Variants in OR7C1 observed in about 807,000 individuals in gnomAD.
OR7C1 encodes olfactory receptor 7C1.
For missense variants in OR7C1, 324 were observed against 383.3 expected, an observed-to-expected ratio of 0.85 and a Z score of 1.29; for synonymous variants, 152 against 160.7, an observed-to-expected ratio of 0.95 and a Z score of 0.41.
chr19:14,818,062 T>TTTTTTTTATTTATTTA (rs1555695181), intron 1 of OR7C1, among the ~76,000 whole-genome samples: 1 of 139,460 alleles, frequency 7.2e-6, no homozygotes, highest in Non-Finnish European at 1.5e-5. Flanking sequence ...ATTTTATTTA[T>TTTTTTTTATTTATTTA]TTTATTTATT....
intron 1 of OR7C1, among the ~76,000 whole-genome samples, chr19:14,811,462 G>A (rs902091294): frequency 6.6e-6 from 1 of 151,790 alleles, no homozygotes; most frequent in African/African-American, 2.4e-5. Flanking sequence ...TGAATTTAAG[G>A]TCCACCTGGA....
At chr19:14,809,332 C>T (rs1020762523) in intron 2 of OR7C1, among the ~76,000 whole-genome samples, 1 of 151,932 alleles carries the variant, frequency 6.6e-6, no homozygotes, top group African/African-American at 2.4e-5. Context: ...GAGCCGAATC[C>T]TGAGGCTTGC....
intron 1 of OR7C1, among the ~76,000 whole-genome samples, chr19:14,822,704 G>A (rs55951528): frequency 0.27 from 41,086 of 151,614 alleles, 5,933 homozygotes; most frequent in East Asian, 0.55. Flanking sequence ...TATAATAGCC[G>A]TCCTAACAGG....
intron 1 of OR7C1, among the ~76,000 whole-genome samples, chr19:14,812,947 C>A (rs1288910479): frequency 6.6e-6 from 1 of 151,856 alleles, no homozygotes; most frequent in Non-Finnish European, 1.5e-5. Context: ...CGCCTGTAGT[C>A]CCAGCTACTT....
At chr19:14,799,107 A>G (rs994686937) in exon 5 of OR7C1, 2 of 1,513,954 alleles carry the variant, frequency 1.3e-6, no homozygotes, top group Non-Finnish European at 1.8e-6. Context: ...CTAAAAGAGA[A>G]TACATTGATG....
chr19:14,806,230 A>G (rs942155019), intron 2 of OR7C1, among the ~76,000 whole-genome samples: 9 of 151,922 alleles, frequency 5.9e-5, no homozygotes, highest in African/African-American at 2.2e-4. Flanking sequence ...AGCCTACATT[A>G]AGGAACATTT....
chr19:14,834,755 C>T (rs887324588), intron 1 of OR7C1, among the ~76,000 whole-genome samples: 1 of 152,180 alleles, frequency 6.6e-6, no homozygotes, highest in Non-Finnish European at 1.5e-5. Flanking sequence ...TTTCTCTACT[C>T]CCCTTAATTA....
intron 1 of OR7C1, among the ~76,000 whole-genome samples, chr19:14,829,985 C>T (rs2044815186): frequency 6.6e-6 from 1 of 152,196 alleles, no homozygotes; most frequent in Non-Finnish European, 1.5e-5. Flanking sequence ...GCCTCAGCCT[C>T]CCAAGTAGTT....
chr19:14,810,380 T>TGC lies in OR7C1; in HGVS notation c.-622-388_-622-387insGC, dbSNP rs1555694741. On this transcript the variant is annotated intron_variant, in intron 1 of 4. Transcript: ENST00000641666. ...ACATTCAACCAAAATGAGTTTTTTTTTTTTGTTTTTTGTTTTTGAGATGGA... is the reference window on the plus strand; with the variant it reads ...ACATTCAACCAAAATGAGTTTTTTTTGCTTTTGTTTTTTGTTTTTGAGATGGA... 6.0e-4 allele frequency among the ~76,000 whole-genome samples: 58 copies of TGC among 96,678 alleles called. 1 individual carries two copies. Among genetic ancestry groups the TGC allele is most frequent in the African/African-American group, 2.3e-3 (45 of 19,426 alleles). 63.4% of individuals were successfully genotyped at this position (96,678 alleles called of 152,430 possible).
chr19:14,829,843 A>G (rs553293661), intron 1 of OR7C1, among the ~76,000 whole-genome samples: 1 of 152,320 alleles, frequency 6.6e-6, no homozygotes, highest in South Asian at 2.1e-4. Context: ...CTCCAAAGAC[A>G]TGCAGCCACA....
intron 1 of OR7C1, among the ~76,000 whole-genome samples, chr19:14,811,372 C>T (rs1246776414): frequency 6.6e-6 from 1 of 151,860 alleles, no homozygotes; most frequent in Non-Finnish European, 1.5e-5. Flanking sequence ...TTTCAATCTC[C>T]TCTGTCTGTG....
intron 1 of OR7C1, among the ~76,000 whole-genome samples, chr19:14,815,235 A>T (rs2044710858): frequency 6.6e-6 from 1 of 152,186 alleles, no homozygotes. Flanking sequence ...TCGTCTACAG[A>T]GGCTGCTCAC....
chr19:14,816,540 C>G (rs1006163033), intron 1 of OR7C1, among the ~76,000 whole-genome samples: 1 of 152,170 alleles, frequency 6.6e-6, no homozygotes, highest in African/African-American at 2.4e-5. Context: ...AGCTTTTGGA[C>G]TCTTGGACTT....
chr19:14,819,557 A>C (rs1452091230), intron 1 of OR7C1, among the ~76,000 whole-genome samples: 1 of 152,106 alleles, frequency 6.6e-6, no homozygotes, highest in Non-Finnish European at 1.5e-5. Flanking sequence ...CATTTTCTTT[A>C]ACCAGTCTAT....
exon 5 of OR7C1, chr19:14,798,913 T>C: frequency 3.0e-6 from 1 of 330,410 alleles, no homozygotes; most frequent in African/African-American, 2.1e-5. Flanking sequence ...AGCTTCCAGC[T>C]TGCTTATCTA....
chr19:14,833,821 C>T (rs754687213), intron 1 of OR7C1, among the ~76,000 whole-genome samples: 7 of 132,366 alleles, frequency 5.3e-5, no homozygotes, highest in Non-Finnish European at 8.3e-5. Context: ...TCAGCCTGAG[C>T]GGGGATGGAG....
At position 14,821,740 on chromosome 19, in the gene OR7C1, C is replaced by T. The variant is rs76270474; in HGVS notation, c.-622-11747G>A. Among the ~76,000 whole-genome samples the T allele has an allele frequency of 1.2e-3, 182 of 152,314 alleles. 2 individuals are homozygous for T. The highest frequency in any genetic ancestry group is 4.3e-3 in the African/African-American group (177 of 41,570). On this transcript the variant is annotated intron_variant, in intron 1 of 4. Coordinates refer to ENST00000641666, the Ensembl canonical transcript of OR7C1. ...TTCTATGCTATTTAAATCTTACGTA[C>T]CATAGCACAACCCCTCAATCAGTCC...
At chr19:14,817,141 T>C (rs879788275) in intron 1 of OR7C1, among the ~76,000 whole-genome samples, 4 of 152,260 alleles carry the variant, frequency 2.6e-5, no homozygotes, top group Non-Finnish European at 4.4e-5. Flanking sequence ...ACCCCAAAAG[T>C]AGGCTAGCTA....
At chr19:14,805,556 A>G (rs2044662760) in intron 2 of OR7C1, among the ~76,000 whole-genome samples, 1 of 151,386 alleles carries the variant, frequency 6.6e-6, no homozygotes, top group East Asian at 1.9e-4. Flanking sequence ...GCTGGGATAA[A>G]AGGCATGTGC....
Sources: gnomAD v4.1 joint callset for allele counts (sites outside exome capture counted in the v4.1 genomes callset) on GRCh38, gnomAD v4.1.1 for gene constraint, MANE v1.5 for transcripts, NCBI Gene and HGNC (gene_info 2026-07-23, HGNC 2026-07-21) for gene names.